Variants in C10orf90 observed in about 807,000 individuals in gnomAD.
C10orf90 encodes (E2-independent) E3 ubiquitin-conjugating enzyme FATS.
C10orf90 carries 56 observed loss-of-function variants against 62.5 expected under a neutral mutation model. The observed-to-expected ratio is 0.90, with a 90% confidence interval of 0.72 to 1.12. C10orf90 has a LOEUF of 1.12. Among genes scored for constraint, C10orf90 ranks in the 50% most tolerant of loss-of-function variants. The pLI is 0.00. For missense variants in C10orf90, 970 were observed against 880.4 expected, an observed-to-expected ratio of 1.10 and a Z score of -1.29; for synonymous variants, 386 against 340.4, an observed-to-expected ratio of 1.13 and a Z score of -1.47.
At chr10:126,483,123 A>G (rs1180470729) in intron 4 of C10orf90, among the ~76,000 whole-genome samples, 1 of 152,234 alleles carries the variant, frequency 6.6e-6, no homozygotes, top group Non-Finnish European at 1.5e-5. Context: ...GAATCTTTAT[A>G]AAAGACAAAC....
intron 2 of C10orf90, among the ~76,000 whole-genome samples, chr10:126,565,189 AT>A (rs796929137): frequency 0.052 from 1,389 of 26,738 alleles, 79 homozygotes; most frequent in East Asian, 0.073. Context: ...GTAATATAAT[AT>A]TTATATTACA....
intron 2 of C10orf90, among the ~76,000 whole-genome samples, chr10:126,603,160 C>T (rs1845234136): frequency 6.6e-6 from 1 of 150,558 alleles, no homozygotes; most frequent in Non-Finnish European, 1.5e-5. Context: ...TCTCACGCTG[C>T]TAATAAAGAC....
intron 7 of C10orf90, among the ~76,000 whole-genome samples, chr10:126,438,497 A>G (rs963166121): frequency 6.6e-6 from 1 of 152,196 alleles, no homozygotes; most frequent in Non-Finnish European, 1.5e-5. Flanking sequence ...CAGTGCTTTT[A>G]ACATACACTG....
chr10:126,555,146 T>A (rs1864731474), intron 2 of C10orf90, among the ~76,000 whole-genome samples: 2 of 152,126 alleles, frequency 1.3e-5, no homozygotes, highest in Admixed American at 6.6e-5. Flanking sequence ...GGTGGGGTGG[T>A]GACATGGTTG....
At chr10:126,576,720 ATATACATAT>A (rs1263271099) in intron 2 of C10orf90, among the ~76,000 whole-genome samples, 576 of 33,722 alleles carry the variant, frequency 0.017, 69 homozygotes, top group African/African-American at 0.068. Flanking sequence ...TATATACAAG[ATATACATAT>A]ATATGTATAT....
chr10:126,542,003 C>T (rs181163272), intron 2 of C10orf90, among the ~76,000 whole-genome samples: 4 of 152,228 alleles, frequency 2.6e-5, no homozygotes, highest in East Asian at 1.9e-4. Flanking sequence ...GGAATGAAGC[C>T]GTGACACATG....
At chr10:126,572,564 A>T (rs970605231) in intron 2 of C10orf90, among the ~76,000 whole-genome samples, 6 of 151,912 alleles carry the variant, frequency 3.9e-5, no homozygotes, top group African/African-American at 1.5e-4. Flanking sequence ...AACTGTCATG[A>T]TGCTGGTGGG....
intron 3 of C10orf90, among the ~76,000 whole-genome samples, chr10:126,508,158 T>TGA (rs57143666): frequency 0.055 from 7,234 of 131,342 alleles, 202 homozygotes; most frequent in East Asian, 0.11. Flanking sequence ...AATGAGTGAG[T>TGA]GAGAGAGAGA....
intron 2 of C10orf90, among the ~76,000 whole-genome samples, chr10:126,625,880 C>T (rs552419823): frequency 1.1e-4 from 16 of 152,040 alleles, no homozygotes; most frequent in African/African-American, 3.4e-4. Flanking sequence ...TTTGGGAAGC[C>T]GAGGTGGCAG....
intron 4 of C10orf90, among the ~76,000 whole-genome samples, chr10:126,490,142 A>ATACATATAAT (rs1419505883): frequency 2.0e-4 from 26 of 132,588 alleles, no homozygotes; most frequent in Non-Finnish European, 3.8e-4. Flanking sequence ...TATATTATAT[A>ATACATATAAT]TACATATAAT....
At chr10:126,594,387 G>A (rs907052675) in intron 2 of C10orf90, among the ~76,000 whole-genome samples, 3 of 152,116 alleles carry the variant, frequency 2.0e-5, no homozygotes, top group Admixed American at 6.6e-5. Flanking sequence ...TCATCTCTGG[G>A]GAGGGAGTTT....
intron 2 of C10orf90, among the ~76,000 whole-genome samples, chr10:126,535,873 G>A (rs182642864): frequency 2.0e-5 from 3 of 152,252 alleles, no homozygotes; most frequent in Admixed American, 6.5e-5. Flanking sequence ...CTAGGAGTGC[G>A]CACTGGAATC....
At chr10:126,610,082 C>T (rs1033314948) in intron 2 of C10orf90, among the ~76,000 whole-genome samples, 6 of 152,190 alleles carry the variant, frequency 3.9e-5, no homozygotes, top group Admixed American at 1.3e-4. Context: ...TGCCCTTGGA[C>T]CCCTGTTCTC....
In C10orf90 at chr10:126,595,587, G is replaced by A. The variant is rs115419040; in HGVS notation, c.313+50978C>T. Among the ~76,000 whole-genome samples the A allele has an allele frequency of 4.6e-3, 701 of 152,248 alleles. 6 individuals carry two copies. Among genetic ancestry groups the A allele is most frequent in the African/African-American group, 0.015 (625 of 41,548 alleles). ...GGCAGAGGAAGGTGTGGTACTCTAG[G>A]AGGAGACCTGGCCTGCAGGTCCGGT... On this transcript the variant is annotated intron_variant, in intron 2 of 9. Coordinates refer to ENST00000488181, the MANE Select transcript of C10orf90 (RefSeq NM_001350921.2).
intron 2 of C10orf90, among the ~76,000 whole-genome samples, chr10:126,613,283 G>A (rs1005899466): frequency 1.3e-5 from 2 of 152,180 alleles, no homozygotes; most frequent in South Asian, 2.1e-4. Context: ...CACCTAGGTT[G>A]GAGTGCAGTG....
At chr10:126,483,263 A>T (rs1189919745) in intron 4 of C10orf90, among the ~76,000 whole-genome samples, 3 of 152,256 alleles carry the variant, frequency 2.0e-5, no homozygotes, top group African/African-American at 7.2e-5. Flanking sequence ...ACTGTTTCAT[A>T]CTTGGCATTC....
chr10:126,552,539 T>C (rs1165904497), intron 2 of C10orf90, among the ~76,000 whole-genome samples: 1 of 152,222 alleles, frequency 6.6e-6, no homozygotes, highest in Non-Finnish European at 1.5e-5. Context: ...GCGTTCTCGC[T>C]GCAAAGACCA....
At chr10:126,434,386 G>T (rs1857782238) in intron 7 of C10orf90, among the ~76,000 whole-genome samples, 1 of 152,154 alleles carries the variant, frequency 6.6e-6, no homozygotes, top group Admixed American at 6.5e-5. Context: ...TCCATGCAGA[G>T]CCCTTATCTA....
In C10orf90 at chr10:126,663,827, A is replaced by G. The variant is rs73370885; in HGVS notation, c.240+6414T>C. Reference sequence around the variant, plus strand: ...TAGATTTCTGGATGCCACCCCTCCCAGAACCCAGGGGTCTGAATTCTCAGA... The same window carrying G: ...TAGATTTCTGGATGCCACCCCTCCCGGAACCCAGGGGTCTGAATTCTCAGA... On this transcript the variant is annotated intron_variant, in intron 1 of 9. Transcript: ENST00000488181. 3.1e-3 allele frequency among the ~76,000 whole-genome samples: 466 copies of G among 152,310 alleles called. 2 individuals are homozygous for G. The highest frequency in any genetic ancestry group is 0.011 in the African/African-American group (452 of 41,568).
Sources: gnomAD v4.1 joint callset for allele counts (sites outside exome capture counted in the v4.1 genomes callset) on GRCh38, gnomAD v4.1.1 for gene constraint, MANE v1.5 for transcripts, NCBI Gene and HGNC (gene_info 2026-07-23, HGNC 2026-07-21) for gene names.